Variants in SEMA6A observed in about 807,000 individuals in gnomAD.
SEMA6A encodes the protein semaphorin-6A.
In SEMA6A, 25 loss-of-function variants were observed where a neutral mutation model predicts 96.8. The ratio of observed to expected loss-of-function variants is 0.26; its 90% CI spans 0.19 to 0.36. The LOEUF (loss-of-function observed/expected upper bound fraction) is 0.36, where lower values mean the gene tolerates loss of function less well. Among genes scored for constraint, SEMA6A ranks in the 10% least tolerant of loss-of-function variants. The pLI, the probability that SEMA6A is intolerant of heterozygous loss-of-function variation, is 1.00. For synonymous variants in SEMA6A, 612 were observed against 518.0 expected (o/e 1.18, Z -2.46); for missense variants, 1,363 against 1,323.1 (o/e 1.03, Z -0.47).
chr5:116,555,849 T>A (rs1349594929), intron 1 of SEMA6A, among the ~76,000 whole-genome samples: 7 of 152,124 alleles, frequency 4.6e-5, no homozygotes, highest in African/African-American at 9.7e-5. Context: ...TACATATTTT[T>A]AAAAAATCTA....
At chr5:116,566,944 A>G (rs1761048276) in intron 1 of SEMA6A, among the ~76,000 whole-genome samples, 1 of 152,190 alleles carries the variant, frequency 6.6e-6, no homozygotes, top group African/African-American at 2.4e-5. Context: ...GGTTCCAATC[A>G]GCAGCCGAGT....
At chr5:116,476,104 C>T (rs903969195) in intron 15 of SEMA6A, among the ~76,000 whole-genome samples, 10 of 152,194 alleles carry the variant, frequency 6.6e-5, no homozygotes, top group East Asian at 3.9e-4. Flanking sequence ...GGACAGGAGC[C>T]GGTGGTGCAT....
At chr5:116,453,523 G>C (rs1405687280) in intron 18 of SEMA6A, among the ~76,000 whole-genome samples, 4 of 152,194 alleles carry the variant, frequency 2.6e-5, no homozygotes, top group African/African-American at 9.7e-5. Context: ...AGCACTTGTA[G>C]AGAAAATACA....
chr5:116,479,150 A>G (rs1202353470), intron 12 of SEMA6A, among the ~76,000 whole-genome samples: 1 of 152,216 alleles, frequency 6.6e-6, no homozygotes, highest in Non-Finnish European at 1.5e-5. Flanking sequence ...TCTGAGATAC[A>G]AGGCCTTCAT....
At chr5:116,454,129 G>C (rs543769521) in intron 18 of SEMA6A, among the ~76,000 whole-genome samples, 56 of 152,268 alleles carry the variant, frequency 3.7e-4, no homozygotes, top group African/African-American at 1.3e-3. Flanking sequence ...ATAGGCATCT[G>C]TGTAAAGTGG....
chr5:116,497,495 C>A, intron 3 of SEMA6A, 108 bp from the exon 4 acceptor site: 1 of 602,270 alleles, frequency 1.7e-6, no homozygotes, highest in South Asian at 2.6e-5. Flanking sequence ...TATCCATGTT[C>A]ATGATATCCA....
chr5:116,478,781 C>G lies in SEMA6A; in HGVS notation c.1251-63G>C, dbSNP rs1756601399. ...GTCTATCATTAAAGTGTTCCCTGTT[C>G]CACTTCAAACAGCTGCGACATAGCC... On this transcript the variant is annotated intron_variant, in intron 12 of 18. Transcript: ENST00000343348. The G allele has an allele frequency of 4.0e-6, 6 of 1,497,594 alleles. No homozygotes were observed. The Admixed American group carries it at 1.0e-4, about 26-fold the overall frequency. 92.8% of individuals were successfully genotyped at this position (1,497,594 alleles called of 1,614,324 possible). A position where few individuals can be genotyped will look rare whatever the true frequency, so the allele number is the denominator to read the frequency against.
At chr5:116,536,996 G>T (rs1166125035) in intron 1 of SEMA6A, among the ~76,000 whole-genome samples, 1 of 151,106 alleles carries the variant, frequency 6.6e-6, no homozygotes, top group Admixed American at 6.6e-5. Flanking sequence ...CATTGTATTA[G>T]CATGTGTGAA....
chr5:116,573,241 A>G (rs1418080279), intron 1 of SEMA6A, among the ~76,000 whole-genome samples: 3 of 152,220 alleles, frequency 2.0e-5, no homozygotes, highest in Non-Finnish European at 4.4e-5. Flanking sequence ...GAGTCGGAAC[A>G]GAGCCCTAGT....
intron 1 of SEMA6A, among the ~76,000 whole-genome samples, chr5:116,572,195 G>A (rs1186980757): frequency 8.5e-5 from 13 of 152,212 alleles, no homozygotes; most frequent in Admixed American, 8.5e-4. Context: ...CAGATCTGAG[G>A]TAAAGAAAGT....
chr5:116,572,063 A>C (rs1172330417), intron 1 of SEMA6A, among the ~76,000 whole-genome samples: 1 of 152,204 alleles, frequency 6.6e-6, no homozygotes, highest in Non-Finnish European at 1.5e-5. Flanking sequence ...GACTAAAGAA[A>C]GACAAGGCAA....
At chr5:116,507,738 A>G (rs1292059662) in intron 1 of SEMA6A, among the ~76,000 whole-genome samples, 2 of 152,192 alleles carry the variant, frequency 1.3e-5, no homozygotes, top group Admixed American at 6.5e-5. Context: ...CTGTCAATAT[A>G]AGGATTCTAA....
chr5:116,563,812 T>C (rs1760916269), intron 1 of SEMA6A, among the ~76,000 whole-genome samples: 2 of 152,372 alleles, frequency 1.3e-5, no homozygotes, highest in South Asian at 4.1e-4. Context: ...ATGCGAATAC[T>C]GTAAAATGAA....
At chr5:116,466,358 A>C (rs1172966727) in intron 18 of SEMA6A, among the ~76,000 whole-genome samples, 2 of 151,178 alleles carry the variant, frequency 1.3e-5, no homozygotes. Context: ...CAGCGTAGGC[A>C]ACAGAGTAAG....
chr5:116,479,176 T>C (rs1180578543), intron 12 of SEMA6A, among the ~76,000 whole-genome samples: 1 of 152,206 alleles, frequency 6.6e-6, no homozygotes, highest in Non-Finnish European at 1.5e-5. Context: ...AAATGTTTGA[T>C]TGGAAAGCTT....
At chr5:116,558,405 T>G (rs1760687987) in intron 1 of SEMA6A, among the ~76,000 whole-genome samples, 1 of 152,210 alleles carries the variant, frequency 6.6e-6, no homozygotes, top group Admixed American at 6.5e-5. Context: ...CATCTAGGTT[T>G]TAAGCCCCGC....
chr5:116,492,570 T>A (rs541464962), intron 6 of SEMA6A: 2 of 152,308 alleles, frequency 1.3e-5, no homozygotes, highest in East Asian at 3.9e-4. Context: ...GTTTAGAGAA[T>A]AGGAGGAAAA....
intron 7 of SEMA6A, among the ~76,000 whole-genome samples, chr5:116,490,613 C>T (rs929496616): frequency 6.6e-6 from 1 of 152,198 alleles, no homozygotes; most frequent in African/African-American, 2.4e-5. Context: ...CCTGTGCTCT[C>T]ATTTAGGGGG....
intron 1 of SEMA6A, among the ~76,000 whole-genome samples, chr5:116,518,263 C>T (rs975146622): frequency 1.3e-5 from 2 of 152,140 alleles, no homozygotes; most frequent in African/African-American, 4.8e-5. Context: ...CCAAAGTGGA[C>T]ACTGGGCGTC....
Sources: allele counts gnomAD v4.1 joint callset (sites outside exome capture counted in the v4.1 genomes callset), GRCh38; gene constraint gnomAD v4.1.1; transcripts MANE v1.5; gene names NCBI Gene and HGNC (gene_info 2026-07-23, HGNC 2026-07-21).